Variants in ELAVL2 observed in about 807,000 individuals in gnomAD.
ELAVL2 encodes the protein ELAV-like protein 2.
A neutral mutation model predicts 34.6 loss-of-function variants in ELAVL2; 4 were observed. That is an observed-to-expected ratio of 0.12 (90% CI 0.06 to 0.26). The LOEUF is 0.26. Among genes scored for constraint, ELAVL2 ranks in the 10% least tolerant of loss-of-function variants. ELAVL2 has a pLI of 1.00. For missense variants in ELAVL2, 432 were observed against 442.8 expected (o/e 0.98, Z 0.22); for synonymous variants, 193 against 154.8 (o/e 1.25, Z -1.83).
At chr9:23,776,669 G>A (rs1473339745) in intron 1 of ELAVL2, among the ~76,000 whole-genome samples, 1 of 147,556 alleles carries the variant, frequency 6.8e-6, no homozygotes, top group Non-Finnish European at 1.5e-5. Context: ...ACGCACACAA[G>A]GAAACCTTTA....
intron 1 of ELAVL2, among the ~76,000 whole-genome samples, chr9:23,793,218 TA>T (rs2137299318): frequency 6.6e-6 from 1 of 152,330 alleles, no homozygotes; most frequent in African/African-American, 2.4e-5. Flanking sequence ...CAAAACCTTC[TA>T]CCCTCAACTG....
intron 2 of ELAVL2, among the ~76,000 whole-genome samples, chr9:23,752,590 G>C (rs1233514303): frequency 4.6e-5 from 7 of 152,050 alleles, no homozygotes. Flanking sequence ...GAAGAGCTGG[G>C]ATTACAGGCA....
At chr9:23,822,861 A>G (rs72706964) in intron 1 of ELAVL2, among the ~76,000 whole-genome samples, 19,627 of 151,086 alleles carry the variant, frequency 0.13, 1,570 homozygotes, top group Middle Eastern at 0.2. Flanking sequence ...GGCATGATGC[A>G]GGTTTGATGC....
chr9:23,738,246 G>C (rs2048349116), intron 2 of ELAVL2, among the ~76,000 whole-genome samples: 2 of 152,222 alleles, frequency 1.3e-5, no homozygotes, highest in Admixed American at 1.3e-4. Flanking sequence ...GAAAAGGTTT[G>C]AGAGAATCTC....
chr9:23,787,262 AT>A (rs750594918), intron 1 of ELAVL2, among the ~76,000 whole-genome samples: 2,214 of 141,450 alleles, frequency 0.016, 19 homozygotes, highest in East Asian at 0.024. Flanking sequence ...TTTCATCCCC[AT>A]TTTTTTTTTT....
At position 23,722,197 on chromosome 9, in the gene ELAVL2, C is replaced by T. The variant is rs369947153; in HGVS notation, c.333+8825G>A. Among the ~76,000 whole-genome samples, 64 of 152,248 alleles carry T rather than the reference C, an allele frequency of 4.2e-4. 1 individual carries two copies. Among genetic ancestry groups the T allele is most frequent in the African/African-American group, 1.5e-3 (63 of 41,544 alleles). ...CATCCATGCTTTTTTAAAGAGTCTACGCAAATTTAAAGAGAGACCAATGTT... is the reference window on the plus strand; with the variant it reads ...CATCCATGCTTTTTTAAAGAGTCTATGCAAATTTAAAGAGAGACCAATGTT... On this transcript the variant is annotated intron_variant, in intron 3 of 6. Coordinates refer to ENST00000397312, the MANE Select transcript of ELAVL2 (RefSeq NM_004432.5).
the ELAVL2 span, chr9:23,831,733 G>A: frequency 6.6e-6 from 1 of 152,098 alleles, no homozygotes; most frequent in South Asian, 2.1e-4. Flanking sequence ...TCTGCTGATA[G>A]ACCGCTGAAG....
chr9:23,721,521 C>T (rs1386875146), intron 3 of ELAVL2, among the ~76,000 whole-genome samples: 2 of 152,332 alleles, frequency 1.3e-5, no homozygotes, highest in East Asian at 1.9e-4. Flanking sequence ...CCAAGACTTA[C>T]ACCTCCAAGT....
chr9:23,763,896 C>T (rs375801433), intron 1 of ELAVL2, among the ~76,000 whole-genome samples: 5 of 152,050 alleles, frequency 3.3e-5, no homozygotes, highest in African/African-American at 4.8e-5. Context: ...TGTTTCTCTA[C>T]GTAAGCTAAG....
chr9:23,756,682 C>T (rs186751983), intron 2 of ELAVL2, among the ~76,000 whole-genome samples: 1 of 152,254 alleles, frequency 6.6e-6, no homozygotes, highest in East Asian at 1.9e-4. Context: ...ACTCAGAGAC[C>T]AATGCTGAAG....
Position 23,747,996 on chromosome 9 carries a change from T to C in ELAVL2, c.229+14010A>G, listed in dbSNP as rs188528088. 1.6e-3 allele frequency among the ~76,000 whole-genome samples: 239 copies of C among 152,288 alleles called. 1 individual carries two copies. The highest frequency in any genetic ancestry group is 2.5e-3 in the Non-Finnish European group (169 of 68,014). On this transcript the variant is annotated intron_variant, in intron 2 of 6. Transcript: ENST00000397312. The stretch of plus-strand genomic sequence containing the variant: ...AGGCAGAAATAGGCCACAAACCACC[T>C]GCCTCTCTAGCTTCAACATACATCA...
chr9:23,844,857 A>AAG, the ELAVL2 span, among the ~76,000 whole-genome samples: 1 of 151,990 alleles, frequency 6.6e-6, no homozygotes, highest in East Asian at 1.9e-4. Flanking sequence ...TTTGAACACA[A>AAG]AATGTGATGA....
chr9:23,692,043 T>TA lies in ELAVL2; in HGVS notation c.*513dup, dbSNP rs2033328248. Reference sequence around the variant, plus strand: ...ACCCAAATCATAATTACAAAATAAATACTGTTTTAAACTTCATAAATAAAA... The same window carrying TA: ...ACCCAAATCATAATTACAAAATAAATAACTGTTTTAAACTTCATAAATAAAA... On this transcript the variant is annotated 3_prime_UTR_variant, in exon 7 of 7. Coordinates refer to ENST00000397312, the MANE Select transcript of ELAVL2 (RefSeq NM_004432.5). The TA allele has an allele frequency of 6.5e-6, 1 of 153,386 alleles. No homozygotes were observed. The highest frequency in any genetic ancestry group is 2.4e-5 in the African/African-American group (1 of 41,402). 9.5% of individuals were successfully genotyped at this position (153,386 alleles called of 1,614,324 possible).
At chr9:23,840,447 G>A in the ELAVL2 span, among the ~76,000 whole-genome samples, 1 of 152,092 alleles carries the variant, frequency 6.6e-6, no homozygotes, top group Non-Finnish European at 1.5e-5. Context: ...CTGATTTAGA[G>A]CAAAAATCAG....
chr9:23,780,080 G>T (rs559410253), intron 1 of ELAVL2, among the ~76,000 whole-genome samples: 1 of 140,370 alleles, frequency 7.1e-6, no homozygotes, highest in Non-Finnish European at 1.5e-5. Context: ...GTAAAGTATG[G>T]GTTCCTAAAT....
chr9:23,780,072 A>T (rs1248069643), intron 1 of ELAVL2, among the ~76,000 whole-genome samples: 1 of 145,164 alleles, frequency 6.9e-6, no homozygotes, highest in East Asian at 2.1e-4. Context: ...ATTGCAAAGT[A>T]AAGTATGGGT....
At chr9:23,815,701 AC>A (rs1249654447) in intron 1 of ELAVL2, among the ~76,000 whole-genome samples, 1 of 152,138 alleles carries the variant, frequency 6.6e-6, no homozygotes, top group East Asian at 1.9e-4. Flanking sequence ...ATTAAACCAA[AC>A]CAGATGCTGA....
chr9:23,761,994 A>G lies in ELAVL2; in HGVS notation c.229+12T>C. The G allele has an allele frequency of 6.2e-7, 1 of 1,606,756 alleles. No individual in the cohort carries two copies. The highest frequency in any genetic ancestry group is 8.5e-7 in the Non-Finnish European group (1 of 1,175,922). ...TCCGTTAAATATAAATCATCTACAT[A>G]AAACTGCTTACCTGTTATTTTGTCT... is the stretch of plus-strand genomic sequence containing the variant. On this transcript the variant is annotated intron_variant, in intron 2 of 6. Coordinates refer to ENST00000397312, the MANE Select transcript of ELAVL2 (RefSeq NM_004432.5).
At chr9:23,707,856 T>G (rs532318209) in intron 3 of ELAVL2, among the ~76,000 whole-genome samples, 1 of 152,142 alleles carries the variant, frequency 6.6e-6, no homozygotes, top group African/African-American at 2.4e-5. Flanking sequence ...CCCCTTAAAG[T>G]AGAGAGAAAC....
Sources: allele counts gnomAD v4.1 joint callset (sites outside exome capture counted in the v4.1 genomes callset), GRCh38; gene constraint gnomAD v4.1.1; transcripts MANE v1.5; gene names NCBI Gene and HGNC (gene_info 2026-07-23, HGNC 2026-07-21).